The following PCGF5 variants were observed in gnomAD, a reference collection of about 807,000 sequenced individuals.
The protein encoded by PCGF5 is polycomb group ring finger 5, also known as polycomb group RING finger protein 5.
Under a neutral mutation model 44.3 loss-of-function variants are expected in PCGF5, and 9 were observed. That is an observed-to-expected ratio of 0.20 (90% confidence interval 0.12 to 0.35). The LOEUF is 0.35. PCGF5 is among the 10% of genes least tolerant of loss of function. The pLI is 1.00. For synonymous variants in PCGF5, 95 were observed against 102.5 expected (o/e 0.93, Z 0.44); for missense variants, 146 against 305.3 (o/e 0.48, Z 3.89).
At chr10:91,214,324 G>A (rs924222805) in intron 1 of PCGF5, among the ~76,000 whole-genome samples, 2 of 143,954 alleles carry the variant, frequency 1.4e-5, no homozygotes, top group Non-Finnish European at 3.0e-5. Flanking sequence ...AAAAAAAAAA[G>A]GAGAGACAGA....
chr10:91,169,445 C>G (rs1337990584), intron 1 of PCGF5, among the ~76,000 whole-genome samples: 1 of 152,112 alleles, frequency 6.6e-6, no homozygotes, highest in Admixed American at 6.6e-5. Context: ...TTGTAAGAGA[C>G]AAGGCTAGTA....
At chr10:91,261,575 T>A in intron 7 of PCGF5, 151 bp downstream of exon 7, 1 of 1,035,504 alleles carries the variant, frequency 9.7e-7, no homozygotes, top group Non-Finnish European at 1.3e-6. Context: ...CAGAATGTAT[T>A]ATTCTACTTA....
upstream of PCGF5, chr10:91,220,652 C>T (rs1179779497): frequency 6.6e-6 from 1 of 151,352 alleles, no homozygotes; most frequent in Non-Finnish European, 1.5e-5. Flanking sequence ...CCCCGAGGCC[C>T]GCCGCGCCCT....
At chr10:91,236,543 AC>A (rs1564644198) in intron 2 of PCGF5, among the ~76,000 whole-genome samples, 1 of 152,170 alleles carries the variant, frequency 6.6e-6, no homozygotes, top group Non-Finnish European at 1.5e-5. Flanking sequence ...TTAGACTAGG[AC>A]CTTTTTAACA....
intron 1 of PCGF5, among the ~76,000 whole-genome samples, chr10:91,178,391 TTTTC>T (rs1277023091): frequency 1.0e-4 from 15 of 144,468 alleles, no homozygotes; most frequent in East Asian, 6.0e-4. Flanking sequence ...TTTTCTTTTC[TTTTC>T]TTTTTTTTTT....
At chr10:91,223,074 G>T in intron 2 of PCGF5, 91 bp downstream of exon 2, 1 of 825,380 alleles carries the variant, frequency 1.2e-6, no homozygotes, top group Non-Finnish European at 2.0e-6. Context: ...TATCTATGTT[G>T]TAACTTTTAA....
upstream of PCGF5, among the ~76,000 whole-genome samples, chr10:91,215,810 C>A (rs1257752350): frequency 6.6e-6 from 1 of 152,234 alleles, no homozygotes; most frequent in Non-Finnish European, 1.5e-5. Context: ...GTCACTTGAT[C>A]ATGTTCCATT....
chr10:91,251,336 G>T lies in PCGF5; in HGVS notation c.370G>T (p.Asp124Tyr), dbSNP rs750339445. The part of the protein sequence containing the change: ...ADKPKVDEEG[D>Y]ENEDDKDYHR... Reference sequence around the variant, plus strand: ...CAAACCGAAAGTAGATGAAGAAGGTGATGAAAATGAAGATGATAAAGATTA... The same window carrying T: ...CAAACCGAAAGTAGATGAAGAAGGTTATGAAAATGAAGATGATAAAGATTA... The change falls in exon 6 of 10, where the codon GAT becomes TAT. Residue 124 changes from aspartate to tyrosine, a missense_variant. Asp to Tyr is a radical substitution (Grantham distance 160). This residue lies in a region of PCGF5 where 123 missense variants were observed against 268.6 expected (regional missense o/e 0.46). Coordinates refer to ENST00000336126, the MANE Select transcript of PCGF5 (RefSeq NM_032373.5). 52 of 1,610,668 alleles carry T rather than the reference G, an allele frequency of 3.2e-5. 1 individual carries two copies. The South Asian group carries it at 5.4e-4, about 17-fold the overall frequency.
Position 91,278,406 on chromosome 10 carries a change from GAACAC to G in PCGF5, c.*94_*98del, listed in dbSNP as rs1846369591. On this transcript the variant is annotated 3_prime_UTR_variant, in exon 10 of 10. Transcript: ENST00000336126. ...ACAGTTAACGGTGTGTGGACTAGAG[GAACAC>G]AACCAGATTTTCAGCATGCAAATAA... 1 of 1,152,672 alleles carries G rather than the reference GAACAC, an allele frequency of 8.7e-7. No homozygotes were observed. The highest frequency in any genetic ancestry group is 1.3e-6 in the Non-Finnish European group (1 of 767,676). 71.4% of individuals were successfully genotyped at this position (1,152,672 alleles called of 1,614,324 possible).
At chr10:91,257,736 G>A (rs1845791714) in intron 6 of PCGF5, among the ~76,000 whole-genome samples, 1 of 152,022 alleles carries the variant, frequency 6.6e-6, no homozygotes, top group African/African-American at 2.4e-5. Context: ...TTTCCATTTT[G>A]TATTTTTGGA....
chr10:91,194,932 A>G (rs1844099735), intron 1 of PCGF5, among the ~76,000 whole-genome samples: 1 of 152,194 alleles, frequency 6.6e-6, no homozygotes, highest in African/African-American at 2.4e-5. Flanking sequence ...GGCAATAAAG[A>G]TGAGATGCAG....
At chr10:91,255,152 A>G (rs891952844) in intron 6 of PCGF5, among the ~76,000 whole-genome samples, 1 of 152,056 alleles carries the variant, frequency 6.6e-6, no homozygotes, top group African/African-American at 2.4e-5. Context: ...GCTTGCCCCC[A>G]TGGAAAAAGC....
chr10:91,223,996 C>T (rs1393031287), intron 2 of PCGF5, among the ~76,000 whole-genome samples: 1 of 151,920 alleles, frequency 6.6e-6, no homozygotes, highest in Non-Finnish European at 1.5e-5. Flanking sequence ...TATTCTTGCT[C>T]TGCTGAACTG....
At chr10:91,169,745 C>A (rs1843570295) in intron 1 of PCGF5, among the ~76,000 whole-genome samples, 1 of 152,170 alleles carries the variant, frequency 6.6e-6, no homozygotes, top group Non-Finnish European at 1.5e-5. Context: ...AAAATCCCAG[C>A]AAGTTATTTT....
intron 6 of PCGF5, among the ~76,000 whole-genome samples, chr10:91,258,678 C>T (rs1190814533): frequency 6.6e-6 from 1 of 152,098 alleles, no homozygotes; most frequent in Non-Finnish European, 1.5e-5. Context: ...AGAAGATAGA[C>T]GTGTACATTT....
At chr10:91,169,765 G>C (rs1437151516) in intron 1 of PCGF5, among the ~76,000 whole-genome samples, 2 of 152,126 alleles carry the variant, frequency 1.3e-5, no homozygotes, top group Non-Finnish European at 2.9e-5. Context: ...TGTAGATATT[G>C]GCAAACTGAC....
At chr10:91,156,885 A>G in the PCGF5 span, among the ~76,000 whole-genome samples, 5 of 152,314 alleles carry the variant, frequency 3.3e-5, no homozygotes, top group South Asian at 1.0e-3. Flanking sequence ...TTAAAGTGGT[A>G]ATAATGATAA....
intron 6 of PCGF5, among the ~76,000 whole-genome samples, chr10:91,253,746 T>C (rs1845678215): frequency 6.6e-6 from 1 of 152,102 alleles, no homozygotes; most frequent in African/African-American, 2.4e-5. Flanking sequence ...TTTCTTTTGT[T>C]ATCCAGGGCT....
At chr10:91,167,556 A>T (rs1288307053) in intron 1 of PCGF5, among the ~76,000 whole-genome samples, 1 of 152,210 alleles carries the variant, frequency 6.6e-6, no homozygotes, top group African/African-American at 2.4e-5. Context: ...AGGATATATG[A>T]GCATGTCCAG....
Sources: allele counts gnomAD v4.1 joint callset (sites outside exome capture counted in the v4.1 genomes callset), GRCh38; gene constraint gnomAD v4.1.1; regional missense constraint gnomAD v4.1.1; transcripts MANE v1.5; gene names NCBI Gene and HGNC (gene_info 2026-07-23, HGNC 2026-07-21).